Variants in CELF2 observed in about 807,000 individuals in gnomAD.
CELF2 encodes CUG triplet repeat RNA-binding protein 2.
In CELF2, 8 loss-of-function variants were observed where a neutral mutation model predicts 62.6. The ratio of observed to expected loss-of-function variants is 0.13; its 90% CI spans 0.07 to 0.23. The LOEUF (loss-of-function observed/expected upper bound fraction) is 0.23. CELF2 is among the 10% of genes least tolerant of loss of function. The pLI is 1.00. For missense variants in CELF2, 333 were observed against 671.0 expected (o/e 0.50, Z 5.56); for synonymous variants, 258 against 250.0 (o/e 1.03, Z -0.30).
chr10:10,538,068 T>G, the CELF2 span, among the ~76,000 whole-genome samples: 14 of 152,138 alleles, frequency 9.2e-5, no homozygotes, highest in East Asian at 7.8e-4. Context: ...CTAGAGGCAG[T>G]GCAGCAGCCA....
At chr10:10,590,095 G>A in the CELF2 span, among the ~76,000 whole-genome samples, 2 of 152,168 alleles carry the variant, frequency 1.3e-5, no homozygotes, top group South Asian at 2.1e-4. Flanking sequence ...TTTGCCTCCA[G>A]GGCTATAGAA....
At chr10:10,731,262 A>G in the CELF2 span, among the ~76,000 whole-genome samples, 1 of 152,062 alleles carries the variant, frequency 6.6e-6, no homozygotes, top group Non-Finnish European at 1.5e-5. Flanking sequence ...ACACACACAC[A>G]CACACACACA....
In CELF2 at chr10:10,893,681, C is replaced by G. The variant is rs74443828; in HGVS notation, c.54-26283C>G. 5.5e-3 allele frequency among the ~76,000 whole-genome samples: 842 copies of G among 152,264 alleles called. 7 individuals are homozygous for G. The highest frequency in any genetic ancestry group is 0.019 in the African/African-American group (798 of 41,554). On this transcript the variant is annotated intron_variant, in intron 1 of 13. Transcript: ENST00000636488. ...CTGCTTCCAAGGAGACCTCAGGAAG[C>G]TTCCAGTCATGGCAGAAGGCAAAAA...
At chr10:11,215,147 G>T (rs959713679) in intron 2 of CELF2, among the ~76,000 whole-genome samples, 1 of 152,230 alleles carries the variant, frequency 6.6e-6, no homozygotes, top group Non-Finnish European at 1.5e-5. Context: ...TCATGTTTTA[G>T]TATGTAAATA....
intron 1 of CELF2, among the ~76,000 whole-genome samples, chr10:11,100,107 G>A (rs2051118347): frequency 6.6e-6 from 1 of 152,014 alleles, no homozygotes; most frequent in South Asian, 2.1e-4. Flanking sequence ...AGGAGGCTGA[G>A]GCAGAAGAAT....
chr10:11,290,712 C>T lies in CELF2; in HGVS notation c.976+2160C>T, dbSNP rs762280359. Among the ~76,000 whole-genome samples the T allele has an allele frequency of 1.3e-5, 2 of 152,180 alleles. No homozygotes were observed. Among genetic ancestry groups the T allele is most frequent in the Non-Finnish European group, 2.9e-5 (2 of 68,042 alleles). On this transcript the variant is annotated intron_variant, in intron 9 of 12. Transcript: ENST00000633077. The surrounding 1 kb of genome is among the most constrained non-coding windows in gnomAD (Gnocchi z 4.3). Reference sequence around the variant, plus strand: ...AAACCACACCAGCGCAGCGTCCTTGCCTTGACTGCTCTGTAAGAGGCTTCT... The same window carrying T: ...AAACCACACCAGCGCAGCGTCCTTGTCTTGACTGCTCTGTAAGAGGCTTCT...
At chr10:10,821,791 C>G (rs915482434) in intron 1 of CELF2, among the ~76,000 whole-genome samples, 1 of 152,146 alleles carries the variant, frequency 6.6e-6, no homozygotes, top group African/African-American at 2.4e-5. Context: ...TGTGGTGATG[C>G]ACGATGCCCA....
At chr10:10,992,235 C>A (rs1035492254) in intron 2 of CELF2, among the ~76,000 whole-genome samples, 7 of 152,192 alleles carry the variant, frequency 4.6e-5, no homozygotes, top group African/African-American at 1.7e-4. Flanking sequence ...TTAGGTGGCT[C>A]TCTTTCAAAC....
chr10:10,955,160 C>G (rs1256622884), intron 2 of CELF2, among the ~76,000 whole-genome samples: 1 of 152,248 alleles, frequency 6.6e-6, no homozygotes, highest in African/African-American at 2.4e-5. Context: ...GGTGTTCTCT[C>G]CATGTTATTG....
intron 2 of CELF2, among the ~76,000 whole-genome samples, chr10:11,194,985 G>A (rs796572448): frequency 8.5e-5 from 13 of 152,308 alleles, no homozygotes; most frequent in African/African-American, 3.1e-4. Context: ...TTAACAGGCA[G>A]CTTTTAAGCA....
the CELF2 span, among the ~76,000 whole-genome samples, chr10:10,625,966 G>A: frequency 6.6e-6 from 1 of 151,808 alleles, no homozygotes; most frequent in South Asian, 2.1e-4. Flanking sequence ...GTCAAACCTG[G>A]TGCAGTGCAG....
At chr10:10,529,457 T>A in the CELF2 span, among the ~76,000 whole-genome samples, 1 of 152,038 alleles carries the variant, frequency 6.6e-6, no homozygotes, top group South Asian at 2.1e-4. Context: ...GAGGCCAACG[T>A]GGGCGGATCA....
chr10:11,293,419 C>T lies in CELF2; in HGVS notation c.976+4867C>T, dbSNP rs59234455. Among the ~76,000 whole-genome samples the T allele has an allele frequency of 4.7e-3, 721 of 152,348 alleles. 8 individuals carry two copies. Among genetic ancestry groups the T allele is most frequent in the African/African-American group, 0.015 (641 of 41,580 alleles). On this transcript the variant is annotated intron_variant, in intron 9 of 12. Transcript: ENST00000633077. ...GAATCAATGCAAATGCCACCTCTAC[C>T]ATGAAGCCTTCTAGTTAGGATTGAT...
intron 1 of CELF2, among the ~76,000 whole-genome samples, chr10:10,828,116 G>A (rs544784603): frequency 7.3e-5 from 11 of 149,982 alleles, no homozygotes; most frequent in South Asian, 4.3e-4. Flanking sequence ...TCAAAAAACC[G>A]CGAACAGAAT....
At chr10:10,977,066 G>A (rs527474423) in intron 2 of CELF2, among the ~76,000 whole-genome samples, 1 of 151,938 alleles carries the variant, frequency 6.6e-6, no homozygotes, top group Non-Finnish European at 1.5e-5. Flanking sequence ...CAGGAGCTCT[G>A]CCCTGATTTA....
chr10:11,194,554 A>T (rs1354634935), intron 2 of CELF2, among the ~76,000 whole-genome samples: 1 of 152,176 alleles, frequency 6.6e-6, no homozygotes, highest in Non-Finnish European at 1.5e-5. Flanking sequence ...CACATTGACC[A>T]CTGAAGGGTA....
At chr10:11,033,027 G>A (rs1430990752) in intron 1 of CELF2, among the ~76,000 whole-genome samples, 5 of 152,142 alleles carry the variant, frequency 3.3e-5, no homozygotes, top group African/African-American at 4.8e-5. Flanking sequence ...TAACTTTGGG[G>A]TCCAGGTGAA....
Position 11,172,685 on chromosome 10 carries a change from A to G in CELF2, c.271+7003A>G, listed in dbSNP as rs181430804. ...TGATCCTTATATCTCTGGAGAGAAA[A>G]GGAGGAAGAAGGGGAAGGAGGGAGA... On this transcript the variant is annotated intron_variant, in intron 2 of 12. Coordinates refer to ENST00000633077, the MANE Select transcript of CELF2 (RefSeq NM_001326342.2). Among the ~76,000 whole-genome samples the G allele has an allele frequency of 1.9e-3, 294 of 152,280 alleles. 2 individuals are homozygous for G. The highest frequency in any genetic ancestry group is 6.6e-3 in the African/African-American group (275 of 41,550).
At chr10:11,320,767 C>T in intron 10 of CELF2, 7 of 1,360,500 alleles carry the variant, frequency 5.1e-6, no homozygotes, top group Non-Finnish European at 7.0e-6. Flanking sequence ...CCCATAGTTC[C>T]TCAAAGAGCC....
Sources: allele counts gnomAD v4.1 joint callset (sites outside exome capture counted in the v4.1 genomes callset), GRCh38; gene constraint gnomAD v4.1.1; non-coding constraint Gnocchi (gnomAD v3.1); transcripts MANE v1.5; gene names NCBI Gene and HGNC (gene_info 2026-07-23, HGNC 2026-07-21).